Variants in CCDC14 observed in about 807,000 individuals in gnomAD.
The protein encoded by CCDC14 is coiled-coil domain containing 14, also known as coiled-coil domain-containing protein 14.
In CCDC14, 71 loss-of-function variants were observed where a neutral mutation model predicts 81.4. The observed-to-expected ratio is 0.87, with a 90% CI of 0.72 to 1.06. The LOEUF (loss-of-function observed/expected upper bound fraction) is 1.06. CCDC14 is among the 50% of genes least tolerant of loss of function. The pLI is 0.00. For synonymous variants in CCDC14, 332 were observed against 364.8 expected, an observed-to-expected ratio of 0.91 and a Z score of 1.03; for missense variants, 1,046 against 1,047.3, an observed-to-expected ratio of 1.00 and a Z score of 0.02.
At chr3:123,886,606 C>G in the CCDC14 span, among the ~76,000 whole-genome samples, 1 of 152,058 alleles carries the variant, frequency 6.6e-6, no homozygotes. Context: ...TCATGTTGGC[C>G]AGGATAGTCT....
chr3:123,943,934 C>G (rs1429339581), intron 9 of CCDC14, among the ~76,000 whole-genome samples: 1 of 152,156 alleles, frequency 6.6e-6, no homozygotes, highest in Non-Finnish European at 1.5e-5. Context: ...GTGAGCCGCT[C>G]TAGCAAATTA....
At chr3:123,951,456 T>A (rs2037018398) in intron 5 of CCDC14, among the ~76,000 whole-genome samples, 1 of 152,236 alleles carries the variant, frequency 6.6e-6, no homozygotes, top group Non-Finnish European at 1.5e-5. Flanking sequence ...AAGCAAATAC[T>A]ATTTCTTACC....
intron 5 of CCDC14, among the ~76,000 whole-genome samples, chr3:123,904,784 C>T (rs1024096559): frequency 1.3e-5 from 2 of 152,062 alleles, no homozygotes; most frequent in Non-Finnish European, 2.9e-5. Context: ...TGGCAATTCT[C>T]CAAGTTAACC....
chr3:123,949,159 T>C, intron 5 of CCDC14, 27 bp from the exon 6 acceptor site: 2 of 1,404,992 alleles, frequency 1.4e-6, no homozygotes, highest in East Asian at 2.4e-5. Flanking sequence ...AAAAAGTTCT[T>C]GAAATATGAT....
At chr3:123,960,236 T>C (rs1194760339) in intron 1 of CCDC14, among the ~76,000 whole-genome samples, 1 of 152,238 alleles carries the variant, frequency 6.6e-6, no homozygotes, top group Non-Finnish European at 1.5e-5. Context: ...TACCAACAAG[T>C]ACAAGATAAT....
chr3:123,943,190 A>T (rs1215060764), intron 9 of CCDC14, among the ~76,000 whole-genome samples: 1 of 151,940 alleles, frequency 6.6e-6, no homozygotes, highest in East Asian at 1.9e-4. Context: ...CCTGGCTGTC[A>T]ACACCCACAG....
chr3:123,906,055 G>A (rs1010916664), intron 5 of CCDC14, among the ~76,000 whole-genome samples: 4 of 152,142 alleles, frequency 2.6e-5, no homozygotes, highest in Non-Finnish European at 4.4e-5. Context: ...ATCAGGCCGG[G>A]CGCAGTGCTC....
In CCDC14 at chr3:123,946,899, C is replaced by T. The variant is rs1211453128; in HGVS notation, c.1105G>A (p.Asp369Asn). 6.2e-7 allele frequency: 1 copy of T among 1,613,886 alleles called. No individual in the cohort carries two copies. Among genetic ancestry groups the T allele is most frequent in the South Asian group, 1.1e-5 (1 of 91,076 alleles). ...TTCACATTTTTTGCCTTCTGTACAT[C>T]CTTCACTGTTTTTGTATCTCGCACA... is the stretch of plus-strand genomic sequence containing the variant. ...IHVRDTKTVK[D>N]VQKAKNVNKT... is the part of the protein sequence containing the mutation. Residue 369 changes from aspartate (D) to asparagine (N), a missense_variant, in exon 8 of 13, where the codon GAT becomes AAT. Physicochemically the swap from Asp to Asn is conservative, Grantham distance 23 (BLOSUM62 1). Transcript: ENST00000409697.
Position 123,956,360 on chromosome 3 carries a change from T to C in CCDC14, c.154A>G (p.Ser52Gly). 6.5e-7 allele frequency: 1 copy of C among 1,543,250 alleles called. No individual in the cohort carries two copies. The highest frequency in any genetic ancestry group is 1.2e-5 in the South Asian group (1 of 82,222). The change falls in exon 3 of 13, where the codon AGT becomes GGT. Residue 52 changes from serine (S) to glycine (G), a missense_variant. Transcript: ENST00000409697. The part of the protein sequence containing the change: ...SGYSIHSDSE[S>G]QAETVHGLDG... ...TTGTATCTATTCAATCTTACCTGAC[T>C]TTCTGAATCAGAATGGATGGAATAG...
intron 5 of CCDC14, among the ~76,000 whole-genome samples, chr3:123,900,625 T>A (rs758556940): frequency 7.2e-5 from 11 of 152,222 alleles, no homozygotes; most frequent in Non-Finnish European, 1.3e-4. Flanking sequence ...AATAAAAATC[T>A]ATTCAGATTA....
At chr3:123,939,848 GAAGT>G (rs1401426736) in intron 9 of CCDC14, among the ~76,000 whole-genome samples, 3 of 151,800 alleles carry the variant, frequency 2.0e-5, no homozygotes, top group African/African-American at 7.2e-5. Flanking sequence ...AACTTACGAG[GAAGT>G]AAGAAAAGGA....
In CCDC14 at chr3:123,903,106, TA is replaced by T. The variant is rs370207451; in HGVS notation, c.668-5494del. On this transcript the variant is annotated intron_variant, in intron 5 of 5. Transcript: ENST00000479903. ...TTCCTGTGTTTTAGAAATACATTTA[TA>T]CTTATATTTATGGATGAGATAATAA... Among the ~76,000 whole-genome samples, 375 of 152,232 alleles carry T rather than the reference TA, an allele frequency of 2.5e-3. 1 individual carries two copies. Among genetic ancestry groups the T allele is most frequent in the African/African-American group, 8.4e-3 (350 of 41,528 alleles).
chr3:123,887,639 T>C, the CCDC14 span, among the ~76,000 whole-genome samples: 7 of 152,246 alleles, frequency 4.6e-5, no homozygotes, highest in African/African-American at 7.2e-5. Flanking sequence ...TTTGCCTAGA[T>C]GCCCAAATAA....
intron 5 of CCDC14, among the ~76,000 whole-genome samples, chr3:123,903,673 T>G (rs183250228): frequency 7.3e-4 from 111 of 152,334 alleles, no homozygotes; most frequent in African/African-American, 2.6e-3. Context: ...CTTGTGTGTC[T>G]TTTTATTTTG....
At position 123,914,793 on chromosome 3, in the gene CCDC14, G is replaced by A; in HGVS notation, c.2704C>T (p.Leu902Phe). 6.5e-7 allele frequency: 1 copy of A among 1,542,772 alleles called. No homozygotes were observed. Among genetic ancestry groups the A allele is most frequent in the Non-Finnish European group, 8.7e-7 (1 of 1,143,504 alleles). The change falls in exon 13 of 13, where the codon CTT (leucine) becomes TTT (phenylalanine). Residue 902 changes from leucine (L) to phenylalanine (F), a missense_variant. Coordinates refer to ENST00000409697, the MANE Select transcript of CCDC14 (RefSeq NM_001366335.1). Reference sequence around the variant, plus strand: ...TTCTTCTGAATTCATTTCTCCAGAAGACCAGTCCTTAAAGACTTCTGGAGT... The same window carrying A: ...TTCTTCTGAATTCATTTCTCCAGAAAACCAGTCCTTAAAGACTTCTGGAGT... Reference protein sequence around the residue: ...ARLQKSLRTGLLEK With the variant: ...ARLQKSLRTGFLEK
chr3:123,902,836 T>C (rs2034205999), intron 5 of CCDC14, among the ~76,000 whole-genome samples: 1 of 152,212 alleles, frequency 6.6e-6, no homozygotes. Flanking sequence ...AGTTCTGGGA[T>C]ACATGTGCTG....
chr3:123,906,309 G>C (rs1382954553), intron 5 of CCDC14, among the ~76,000 whole-genome samples: 1 of 151,212 alleles, frequency 6.6e-6, no homozygotes, highest in Non-Finnish European at 1.5e-5. Flanking sequence ...CAGCCTGGGC[G>C]ACAGAGCGAG....
At chr3:123,951,996 C>T (rs1197752039) in intron 5 of CCDC14, among the ~76,000 whole-genome samples, 1 of 152,150 alleles carries the variant, frequency 6.6e-6, no homozygotes, top group African/African-American at 2.4e-5. Context: ...GACTACTACA[C>T]AGTTTTAAAA....
At position 123,915,067 on chromosome 3, in the gene CCDC14, C is replaced by T. The variant is rs1268545636; in HGVS notation, c.2430G>A (p.Lys810=). ...ASDMKDTQLL[K]KIKEAIGKIP... ...TCTTACCAATTGCTTCCTTTATTTT[C>T]TTGAGGAGCTGTGTGTCCTTCATAT... Residue 810 remains lysine, a synonymous_variant, in exon 13 of 13, where the codon AAG becomes AAA. Coordinates refer to ENST00000409697, the MANE Select transcript of CCDC14 (RefSeq NM_001366335.1). 2 of 1,613,948 alleles carry T rather than the reference C, an allele frequency of 1.2e-6. No individual in the cohort carries two copies. The highest frequency in any genetic ancestry group is 2.2e-5 in the East Asian group (1 of 44,882).
Sources: gnomAD v4.1 joint callset for allele counts (sites outside exome capture counted in the v4.1 genomes callset) on GRCh38, gnomAD v4.1.1 for gene constraint, MANE v1.5 for transcripts, NCBI Gene and HGNC (gene_info 2026-07-23, HGNC 2026-07-21) for gene names.